TENM1: variants seen among roughly 807,000 people sequenced by gnomAD.
TENM1 encodes teneurin transmembrane protein 1.
TENM1 carries 35 observed loss-of-function variants against 174.8 expected under a neutral mutation model. The ratio of observed to expected loss-of-function variants is 0.20; its 90% CI spans 0.15 to 0.27. The LOEUF (loss-of-function observed/expected upper bound fraction) is 0.27, where lower values mean the gene tolerates loss of function less well. Among genes scored for constraint, TENM1 ranks in the 10% least tolerant of loss-of-function variants. TENM1 has a pLI of 1.00. For missense variants in TENM1, 1,633 were observed against 2,130.1 expected (o/e 0.77, Z 4.59); for synonymous variants, 781 against 798.7 (o/e 0.98, Z 0.37).
At chrX:124,751,635 T>TC (rs1251392323) in intron 3 of TENM1, among the ~76,000 whole-genome samples, 1 of 64,274 alleles carries the variant, frequency 1.6e-5, no homozygotes, top group Admixed American at 2.1e-4. Flanking sequence ...ATGCTATCCC[T>TC]CCCCCCTCCC....
At chrX:125,100,669 C>T in the TENM1 span, among the ~76,000 whole-genome samples, 1 of 111,808 alleles carries the variant, frequency 8.9e-6, no homozygotes, top group African/African-American at 3.2e-5. Context: ...TTTTTGTTTG[C>T]TTGCTTTCGT....
At chrX:125,165,135 T>G in the TENM1 span, among the ~76,000 whole-genome samples, 1 of 112,039 alleles carries the variant, frequency 8.9e-6, no homozygotes, top group East Asian at 2.8e-4. Flanking sequence ...CCTTCTCTAT[T>G]AATTTGCATA....
intron 18 of TENM1, among the ~76,000 whole-genome samples, chrX:124,515,105 A>C (rs2047672496): frequency 8.9e-6 from 1 of 111,995 alleles, no homozygotes; most frequent in African/African-American, 3.2e-5. Flanking sequence ...AAACCACTTG[A>C]TCTCAACAGA....
chrX:124,742,633 T>C (rs1036325008), intron 3 of TENM1, among the ~76,000 whole-genome samples: 22 of 110,962 alleles, frequency 2.0e-4, no homozygotes, highest in Admixed American at 1.2e-3. Flanking sequence ...GGTGAGTGTA[T>C]ATATAATATA....
chrX:124,663,532 G>A (rs1030641562), intron 6 of TENM1, among the ~76,000 whole-genome samples: 2 of 112,061 alleles, frequency 1.8e-5, no homozygotes, highest in African/African-American at 6.5e-5. Context: ...ATATACACAT[G>A]GCTGATAAAC....
intron 3 of TENM1, among the ~76,000 whole-genome samples, chrX:124,865,246 ACTCTT>A (rs2056980679): frequency 8.9e-6 from 1 of 111,972 alleles, no homozygotes; most frequent in Non-Finnish European, 1.9e-5. Flanking sequence ...TGTGTAAACT[ACTCTT>A]ATTCTAAGTA....
intron 11 of TENM1, among the ~76,000 whole-genome samples, chrX:124,595,492 T>C (rs2049868907): frequency 2.7e-5 from 3 of 112,053 alleles, no homozygotes; most frequent in Admixed American, 1.9e-4. Context: ...TTGTAAGAAA[T>C]ATGAATACTC....
At chrX:125,192,048 T>C in the TENM1 span, among the ~76,000 whole-genome samples, 2 of 111,202 alleles carry the variant, frequency 1.8e-5, no homozygotes, top group East Asian at 5.7e-4. Flanking sequence ...AAGGAGTAAC[T>C]GCCTCCCGCA....
intron 23 of TENM1, among the ~76,000 whole-genome samples, chrX:124,423,934 G>A (rs1206251868): frequency 9.0e-6 from 1 of 111,189 alleles, no homozygotes; most frequent in Non-Finnish European, 1.9e-5. Flanking sequence ...CATAAGGGTG[G>A]GGATCTAATC....
At chrX:124,397,690 C>T (rs959274567) in intron 27 of TENM1, among the ~76,000 whole-genome samples, 10 of 110,027 alleles carry the variant, frequency 9.1e-5, no homozygotes, top group African/African-American at 2.0e-4. Context: ...CTCCACCTCC[C>T]GGGTTCAAGG....
chrX:124,715,994 G>C (rs1460477714), intron 4 of TENM1, among the ~76,000 whole-genome samples: 2 of 112,025 alleles, frequency 1.8e-5, no homozygotes, highest in African/African-American at 6.5e-5. Context: ...TGAAAATCTA[G>C]ATCATTATGC....
chrX:124,523,746 T>C, intron 16 of TENM1, 121 bp from the exon 20 acceptor site: 2 of 684,264 alleles, frequency 2.9e-6, no homozygotes, highest in African/African-American at 2.2e-5. Flanking sequence ...TCCACTTGTA[T>C]TGTCTATTTT....
intron 1 of TENM1, among the ~76,000 whole-genome samples, chrX:124,963,232 C>CTATAAATTATTTATCTTACTATAAATTA (rs2058681782): frequency 8.9e-6 from 1 of 112,249 alleles, no homozygotes; most frequent in Admixed American, 9.4e-5. Flanking sequence ...TAGCTGTTTA[C>CTATAAATTATTTATCTTACTATAAATTA]TTTTCATCTT....
At chrX:124,851,037 A>C (rs2056710530) in intron 3 of TENM1, among the ~76,000 whole-genome samples, 1 of 111,997 alleles carries the variant, frequency 8.9e-6, no homozygotes, top group African/African-American at 3.2e-5. Context: ...CTGCAGAATC[A>C]TATGCACTGC....
At chrX:124,471,183 T>A (rs1196713926) in intron 22 of TENM1, among the ~76,000 whole-genome samples, 3 of 71,883 alleles carry the variant, frequency 4.2e-5, no homozygotes, top group African/African-American at 5.3e-5. Context: ...TAGTACTATA[T>A]AATATATATT....
intron 3 of TENM1, among the ~76,000 whole-genome samples, chrX:124,749,292 T>C (rs1009096777): frequency 1.8e-5 from 2 of 111,744 alleles, no homozygotes; most frequent in East Asian, 5.6e-4. Flanking sequence ...GTACTCTGAC[T>C]GTGTTCACTT....
At chrX:125,185,377 C>T in the TENM1 span, among the ~76,000 whole-genome samples, 5 of 112,221 alleles carry the variant, frequency 4.5e-5, no homozygotes, top group East Asian at 1.1e-3. Context: ...ATTTGAGTAG[C>T]TGTATGTGGA....
At chrX:125,076,664 C>G in the TENM1 span, among the ~76,000 whole-genome samples, 1 of 111,524 alleles carries the variant, frequency 9.0e-6, no homozygotes, top group Admixed American at 9.6e-5. Context: ...TTACTTGCCA[C>G]TCTTGAATCA....
At chrX:125,189,025 C>T in the TENM1 span, among the ~76,000 whole-genome samples, 1 of 112,227 alleles carries the variant, frequency 8.9e-6, no homozygotes, top group Non-Finnish European at 1.9e-5. Flanking sequence ...GCTGATTCTG[C>T]AAGGAGGCTA....
Sources: allele counts gnomAD v4.1 joint callset (sites outside exome capture counted in the v4.1 genomes callset), GRCh38; gene constraint gnomAD v4.1.1; transcripts MANE v1.5; gene names NCBI Gene and HGNC (gene_info 2026-07-23, HGNC 2026-07-21).